Variants in CMTM8 observed in about 807,000 individuals in gnomAD.
The protein encoded by CMTM8 is CKLF like MARVEL transmembrane domain containing 8, also known as CKLF-like MARVEL transmembrane domain-containing protein 8.
In CMTM8, 12 loss-of-function variants were observed where a neutral mutation model predicts 18.6. The observed-to-expected ratio is 0.65, with a 90% CI of 0.41 to 1.05. The LOEUF (loss-of-function observed/expected upper bound fraction) is 1.05. Ranked by LOEUF, CMTM8 falls within the 50% of genes least tolerant of loss-of-function variation. CMTM8 has a pLI of 0.00. For synonymous variants in CMTM8, 87 were observed against 90.6 expected (o/e 0.96, Z 0.23); for missense variants, 217 against 227.2 (o/e 0.95, Z 0.29).
chr3:32,246,286 C>CA (rs1306467881), intron 1 of CMTM8, among the ~76,000 whole-genome samples: 2 of 152,174 alleles, frequency 1.3e-5, no homozygotes, highest in African/African-American at 4.8e-5. Flanking sequence ...CTACTGGTGT[C>CA]ATCAGCATGA....
intron 1 of CMTM8, 136 bp from the exon 2 acceptor site, chr3:32,357,237 T>C (rs1696832910): frequency 2.5e-6 from 2 of 784,908 alleles, no homozygotes; most frequent in Non-Finnish European, 4.0e-6. Flanking sequence ...GGAGCGAGAC[T>C]CCATCTCAAA....
Position 32,266,449 on chromosome 3 carries a change from G to A in CMTM8, c.147+27330G>A, listed in dbSNP as rs186699065. Among the ~76,000 whole-genome samples, 6 of 152,208 alleles carry A rather than the reference G, an allele frequency of 3.9e-5. No individual in the cohort carries two copies. The East Asian group carries it at 9.6e-4, about 24-fold the overall frequency. On this transcript the variant is annotated intron_variant, in intron 1 of 3. Transcript: ENST00000307526. ...TCAATAAATTAGGTATTGATGGGAC[G>A]TATCTCAAAATAATAAGAGCTATAT...
chr3:32,241,643 A>G (rs953995673), intron 1 of CMTM8, among the ~76,000 whole-genome samples: 2 of 152,166 alleles, frequency 1.3e-5, no homozygotes, highest in Non-Finnish European at 2.9e-5. Flanking sequence ...TATTAAATGC[A>G]TTTTTGACTT....
intron 2 of CMTM8, among the ~76,000 whole-genome samples, chr3:32,365,558 G>A (rs1309154458): frequency 2.0e-5 from 3 of 152,140 alleles, no homozygotes; most frequent in Non-Finnish European, 4.4e-5. Flanking sequence ...TGATTCTCAA[G>A]CCTCAGCCTC....
At chr3:32,259,047 A>G (rs931766646) in intron 1 of CMTM8, 18 of 362,516 alleles carry the variant, frequency 5.0e-5, no homozygotes, top group African/African-American at 1.3e-4. Context: ...GCAAGCATCT[A>G]TGCAGGCGCC....
chr3:32,309,942 C>T (rs1175250378), intron 1 of CMTM8, among the ~76,000 whole-genome samples: 4 of 152,216 alleles, frequency 2.6e-5, no homozygotes, highest in Non-Finnish European at 5.9e-5. Context: ...TTCAGTCACC[C>T]TCAACCTTGC....
At chr3:32,239,183 T>G (rs939714729) in intron 1 of CMTM8, 64 bp downstream of exon 1, 2 of 1,527,118 alleles carry the variant, frequency 1.3e-6, no homozygotes, top group African/African-American at 1.4e-5. Flanking sequence ...GCTTCCGCCG[T>G]GCTTCTCGGG....
At chr3:32,317,387 C>T (rs1306943303) in intron 1 of CMTM8, among the ~76,000 whole-genome samples, 1 of 152,134 alleles carries the variant, frequency 6.6e-6, no homozygotes, top group Non-Finnish European at 1.5e-5. Flanking sequence ...CTTGAAATGA[C>T]ATTTAGTAGG....
intron 1 of CMTM8, among the ~76,000 whole-genome samples, chr3:32,251,926 CA>C (rs1575145846): frequency 6.6e-6 from 1 of 151,592 alleles, no homozygotes; most frequent in Non-Finnish European, 1.5e-5. Context: ...CCGGTCTCTA[CA>C]AAAAACACAA....
At chr3:32,350,127 G>A (rs1696676312) in intron 1 of CMTM8, among the ~76,000 whole-genome samples, 2 of 152,178 alleles carry the variant, frequency 1.3e-5, no homozygotes, top group Non-Finnish European at 1.5e-5. Context: ...GCAGCTTGCA[G>A]TAGAGCAAAG....
intron 1 of CMTM8, among the ~76,000 whole-genome samples, chr3:32,345,290 A>G (rs1174332027): frequency 6.6e-6 from 1 of 152,174 alleles, no homozygotes; most frequent in African/African-American, 2.4e-5. Flanking sequence ...AGGGAGGTTG[A>G]GGCTGCAACG....
intron 1 of CMTM8, among the ~76,000 whole-genome samples, chr3:32,336,601 G>A (rs17029231): frequency 0.72 from 110,112 of 152,164 alleles, 40,279 homozygotes; most frequent in Middle Eastern, 0.85. Flanking sequence ...AACTGGTGAT[G>A]TCCTATACAA....
chr3:32,314,438 G>A (rs1695881412), intron 1 of CMTM8, among the ~76,000 whole-genome samples: 1 of 151,950 alleles, frequency 6.6e-6, no homozygotes, highest in African/African-American at 2.4e-5. Flanking sequence ...GTGAAGGCAG[G>A]TCCTACTGGG....
chr3:32,323,765 A>T (rs939669505), intron 1 of CMTM8, among the ~76,000 whole-genome samples: 1 of 152,254 alleles, frequency 6.6e-6, no homozygotes, highest in African/African-American at 2.4e-5. Flanking sequence ...GAAGGTACAG[A>T]TTCTGCCTCT....
chr3:32,294,795 C>T (rs1702845204), intron 1 of CMTM8, among the ~76,000 whole-genome samples: 1 of 152,186 alleles, frequency 6.6e-6, no homozygotes, highest in Non-Finnish European at 1.5e-5. Flanking sequence ...TGGCTCACAC[C>T]TGTAATCCCA....
chr3:32,338,715 A>G (rs567446832), intron 1 of CMTM8, among the ~76,000 whole-genome samples: 1 of 152,306 alleles, frequency 6.6e-6, no homozygotes, highest in South Asian at 2.1e-4. Flanking sequence ...TTGGTCATCT[A>G]ATTCTGTGTA....
At chr3:32,335,116 C>T (rs970101160) in intron 1 of CMTM8, among the ~76,000 whole-genome samples, 2 of 152,170 alleles carry the variant, frequency 1.3e-5, no homozygotes, top group African/African-American at 4.8e-5. Flanking sequence ...GTAGGGAGGC[C>T]TGGCCAGGGG....
At chr3:32,328,370 C>CAAAAAA (rs796201249) in intron 1 of CMTM8, among the ~76,000 whole-genome samples, 11 of 74,782 alleles carry the variant, frequency 1.5e-4, no homozygotes, top group African/African-American at 6.8e-4. Flanking sequence ...ACCCTGTCTC[C>CAAAAAA]AAAAAAAAAA....
Position 32,239,015 on chromosome 3 carries a change from A to G in CMTM8, c.43A>G (p.Thr15Ala). Reference sequence around the variant, plus strand: ...CGCCCGCTCGCACACAGTCACCACCACCGCCAGCTCCTTCGCAGAGAACTT... The same window carrying G: ...CGCCCGCTCGCACACAGTCACCACCGCCGCCAGCTCCTTCGCAGAGAACTT... ...QRARSHTVTT[T>A]ASSFAENFST... The change falls in exon 1 of 4, where the codon ACC becomes GCC. Residue 15 changes from threonine to alanine, a missense_variant. Physicochemically the swap from Thr to Ala is moderately conservative, Grantham distance 58. Transcript: ENST00000307526. 3 of 1,564,000 alleles carry G rather than the reference A, an allele frequency of 1.9e-6. No individual in the cohort carries two copies. Among genetic ancestry groups the G allele is most frequent in the Non-Finnish European group, 1.7e-6 (2 of 1,155,156 alleles).
Sources: gnomAD v4.1 joint callset for allele counts (sites outside exome capture counted in the v4.1 genomes callset) on GRCh38, gnomAD v4.1.1 for gene constraint, MANE v1.5 for transcripts, NCBI Gene and HGNC (gene_info 2026-07-23, HGNC 2026-07-21) for gene names.